Variants in GABRB1 observed in about 807,000 individuals in gnomAD.
GABRB1 encodes gamma-aminobutyric acid receptor subunit beta-1.
A neutral mutation model predicts 51.6 loss-of-function variants in GABRB1; 17 were observed. The observed-to-expected ratio is 0.33, with a 90% CI of 0.23 to 0.49. GABRB1 has a LOEUF of 0.49. Ranked by LOEUF, GABRB1 falls within the 20% of genes least tolerant of loss-of-function variation. The pLI, the probability that GABRB1 is intolerant of heterozygous loss-of-function variation, is 0.99. For synonymous variants in GABRB1, 247 were observed against 218.9 expected (o/e 1.13, Z -1.14); for missense variants, 410 against 600.6 (o/e 0.68, Z 3.32).
intron 5 of GABRB1, among the ~76,000 whole-genome samples, chr4:47,333,576 A>G (rs1319494613): frequency 1.3e-5 from 2 of 152,080 alleles, no homozygotes; most frequent in African/African-American, 2.4e-5. Flanking sequence ...TTAGCTGGGC[A>G]TGGTGGCATA....
chr4:47,336,295 C>A (rs1225891895), intron 5 of GABRB1, among the ~76,000 whole-genome samples: 1 of 151,998 alleles, frequency 6.6e-6, no homozygotes, highest in Non-Finnish European at 1.5e-5. Context: ...ATTAGTATAC[C>A]TCAAGAAGAG....
intron 5 of GABRB1, among the ~76,000 whole-genome samples, chr4:47,379,684 G>A (rs1219334314): frequency 6.6e-6 from 1 of 152,138 alleles, no homozygotes; most frequent in Non-Finnish European, 1.5e-5. Flanking sequence ...TTACATCCAG[G>A]AAGGGTCAAA....
intron 3 of GABRB1, among the ~76,000 whole-genome samples, chr4:47,044,491 C>A (rs1726000073): frequency 6.6e-6 from 1 of 151,910 alleles, no homozygotes; most frequent in African/African-American, 2.4e-5. Context: ...TACTTAATCT[C>A]TTTGATTCTC....
intron 5 of GABRB1, among the ~76,000 whole-genome samples, chr4:47,368,615 C>T (rs1056419736): frequency 6.6e-6 from 1 of 152,102 alleles, no homozygotes; most frequent in Non-Finnish European, 1.5e-5. Flanking sequence ...GGGAGCCAGG[C>T]CCAAGCTCCC....
At chr4:47,270,770 CCA>C (rs1461267605) in intron 4 of GABRB1, among the ~76,000 whole-genome samples, 3 of 31,954 alleles carry the variant, frequency 9.4e-5, no homozygotes, top group Non-Finnish European at 1.6e-4. Context: ...AAGCACTAAC[CCA>C]ACTTCACCTT....
intron 5 of GABRB1, among the ~76,000 whole-genome samples, chr4:47,332,500 C>T (rs1341145293): frequency 6.6e-6 from 1 of 152,050 alleles, no homozygotes. Flanking sequence ...AATTTAGTTC[C>T]CATATAGGTG....
intron 4 of GABRB1, among the ~76,000 whole-genome samples, chr4:47,207,817 G>C (rs932447401): frequency 9.2e-5 from 14 of 151,742 alleles, no homozygotes; most frequent in Non-Finnish European, 2.1e-4. Context: ...CAGTACAAAG[G>C]TAACCTATGT....
intron 3 of GABRB1, among the ~76,000 whole-genome samples, chr4:47,063,887 G>A (rs1726944713): frequency 1.3e-5 from 2 of 152,058 alleles, no homozygotes; most frequent in South Asian, 4.1e-4. Context: ...CCTGTCAGGG[G>A]AGGGCAGGGC....
intron 3 of GABRB1, among the ~76,000 whole-genome samples, chr4:47,155,824 C>A (rs995310248): frequency 2.0e-5 from 3 of 149,180 alleles, no homozygotes; most frequent in African/African-American, 7.4e-5. Context: ...ACATTAAAAT[C>A]TCCAGATAAG....
At chr4:47,247,603 T>C (rs989818329) in intron 4 of GABRB1, among the ~76,000 whole-genome samples, 1 of 152,028 alleles carries the variant, frequency 6.6e-6, no homozygotes, top group African/African-American at 2.4e-5. Context: ...TTGTAGATTT[T>C]TTTTTGGCAG....
intron 4 of GABRB1, among the ~76,000 whole-genome samples, chr4:47,218,765 A>C (rs1394496091): frequency 6.6e-6 from 1 of 151,762 alleles, no homozygotes; most frequent in Non-Finnish European, 1.5e-5. Context: ...TATTGTGTTA[A>C]GTGTGCTTTT....
intron 8 of GABRB1, among the ~76,000 whole-genome samples, 162 bp from the exon 9 acceptor site, chr4:47,425,512 A>AGATAGAT (rs1553884651): frequency 6.8e-6 from 1 of 147,990 alleles, no homozygotes; most frequent in Admixed American, 6.7e-5. Context: ...ATAGATAGAT[A>AGATAGAT]GATAGATCGA....
chr4:47,179,710 C>A (rs1002720828), intron 4 of GABRB1, among the ~76,000 whole-genome samples: 1 of 152,064 alleles, frequency 6.6e-6, no homozygotes, highest in African/African-American at 2.4e-5. Flanking sequence ...AGGACCATAT[C>A]TCAATTACTT....
At chr4:47,304,240 C>G (rs1421009931) in intron 4 of GABRB1, among the ~76,000 whole-genome samples, 1 of 152,008 alleles carries the variant, frequency 6.6e-6, no homozygotes, top group African/African-American at 2.4e-5. Flanking sequence ...AATGGTTGTA[C>G]TAATTTACAT....
At chr4:47,029,849 C>G (rs894312804), upstream of GABRB1, among the ~76,000 whole-genome samples, 16 of 151,994 alleles carry the variant, frequency 1.1e-4, no homozygotes, top group Admixed American at 1.0e-3. Flanking sequence ...TCTATTTGCT[C>G]GTACTATTTT....
At chr4:47,339,750 A>T (rs986277299) in intron 5 of GABRB1, among the ~76,000 whole-genome samples, 1 of 151,668 alleles carries the variant, frequency 6.6e-6, no homozygotes, top group African/African-American at 2.4e-5. Context: ...ATGAGTTAAA[A>T]ATCTGTTCTT....
chr4:47,114,310 G>A (rs527648376), intron 3 of GABRB1, among the ~76,000 whole-genome samples: 1 of 152,146 alleles, frequency 6.6e-6, no homozygotes, highest in South Asian at 2.1e-4. Context: ...GGCTCAGAAG[G>A]TTCTGGATTC....
At chr4:47,150,626 C>G (rs1435716741) in intron 3 of GABRB1, among the ~76,000 whole-genome samples, 1 of 131,008 alleles carries the variant, frequency 7.6e-6, no homozygotes, top group African/African-American at 2.7e-5. Context: ...CTTTTCAATA[C>G]ATGACAAAAG....
chr4:47,268,207 T>G (rs1161343015), intron 4 of GABRB1, among the ~76,000 whole-genome samples: 1 of 152,188 alleles, frequency 6.6e-6, no homozygotes, highest in Admixed American at 6.5e-5. Flanking sequence ...TTTACCTCCA[T>G]TTATATACTT....
Sources: gnomAD v4.1 joint callset for allele counts (sites outside exome capture counted in the v4.1 genomes callset) on GRCh38, gnomAD v4.1.1 for gene constraint, MANE v1.5 for transcripts, NCBI Gene and HGNC (gene_info 2026-07-23, HGNC 2026-07-21) for gene names.